SASH1: variants seen among roughly 807,000 people sequenced by gnomAD.
SASH1 encodes SAM and SH3 domain-containing protein 1.
A neutral mutation model predicts 125.2 loss-of-function variants in SASH1; 44 were observed. The ratio of observed to expected loss-of-function variants is 0.35; its 90% CI spans 0.28 to 0.45. The LOEUF (loss-of-function observed/expected upper bound fraction) is 0.45. SASH1 is among the 20% of genes least tolerant of loss of function. SASH1 has a pLI of 1.00. For synonymous variants in SASH1, 639 were observed against 649.1 expected (o/e 0.98, Z 0.24); for missense variants, 1,426 against 1,614.5 (o/e 0.88, Z 2.00).
At chr6:148,382,167 G>C (rs1262308523) in intron 1 of SASH1, among the ~76,000 whole-genome samples, 4 of 152,138 alleles carry the variant, frequency 2.6e-5, no homozygotes, top group African/African-American at 9.7e-5. Flanking sequence ...GCCAGGCATT[G>C]TGGCAGCTTC....
intron 1 of SASH1, among the ~76,000 whole-genome samples, chr6:148,325,175 A>G (rs1780762395): frequency 6.6e-6 from 1 of 152,176 alleles, no homozygotes; most frequent in African/African-American, 2.4e-5. Context: ...AAAACTTACA[A>G]TCATTGCGGA....
chr6:148,541,781 C>T (rs1468446695), intron 17 of SASH1, among the ~76,000 whole-genome samples: 1 of 152,100 alleles, frequency 6.6e-6, no homozygotes. Context: ...ACTCTAATTC[C>T]AATTCTAAGA....
intron 1 of SASH1, among the ~76,000 whole-genome samples, chr6:148,319,314 C>T (rs920576047): frequency 2.1e-4 from 32 of 151,964 alleles, no homozygotes; most frequent in African/African-American, 7.2e-4. Flanking sequence ...GGATTACAGG[C>T]GTGAGCCACC....
chr6:148,265,139 A>G, the SASH1 span, among the ~76,000 whole-genome samples: 2 of 152,300 alleles, frequency 1.3e-5, no homozygotes, highest in Admixed American at 6.5e-5. Context: ...ACACAAAATG[A>G]CAGTCTTAGA....
At chr6:148,518,164 A>G (rs1286076527) in intron 9 of SASH1, among the ~76,000 whole-genome samples, 1 of 152,142 alleles carries the variant, frequency 6.6e-6, no homozygotes, top group East Asian at 1.9e-4. Flanking sequence ...GGAAACTTCC[A>G]GGATATTGGT....
chr6:148,374,467 G>A (rs1782812660), intron 1 of SASH1, among the ~76,000 whole-genome samples: 2 of 152,190 alleles, frequency 1.3e-5, no homozygotes, highest in Non-Finnish European at 2.9e-5. Context: ...CACCTTGTAA[G>A]CAAACTGAGA....
intron 1 of SASH1, among the ~76,000 whole-genome samples, chr6:148,326,342 ATATATATATATATATG>A (rs1172141890): frequency 9.2e-5 from 8 of 87,422 alleles, no homozygotes; most frequent in Admixed American, 5.7e-4. Flanking sequence ...ATATATATAT[ATATATATATATATATG>A]CATATATATA....
intron 7 of SASH1, among the ~76,000 whole-genome samples, chr6:148,484,593 A>G (rs11963259): frequency 0.12 from 18,256 of 150,982 alleles, 1,390 homozygotes; most frequent in African/African-American, 0.2. Context: ...AAAAAAAAAT[A>G]GAGAGCTTGT....
rs550539112 is a variant in SASH1, at chr6:148,536,406, C to A, written c.2095+1505C>A. ...CCAAGCTGGAGTGCAGTGGTGCGAT[C>A]TTGGTTCACCGCAACCTCCGCCTCC... On this transcript the variant is annotated intron_variant, in intron 16 of 19. Transcript: ENST00000367467. Among the ~76,000 whole-genome samples, 3 of 152,320 alleles carry A rather than the reference C, an allele frequency of 2.0e-5. No homozygotes were observed. The South Asian group carries it at 6.2e-4, about 32-fold the overall frequency.
In SASH1 at chr6:148,533,737, C is replaced by A. The variant is rs1226392928; in HGVS notation, c.1735-34C>A. Reference sequence around the variant, plus strand: ...TTGATTTGTACGTTCATGGAATGTACCTAATGGAAAGATCTTTGCTCCCTG... The same window carrying A: ...TTGATTTGTACGTTCATGGAATGTAACTAATGGAAAGATCTTTGCTCCCTG... On this transcript the variant is annotated intron_variant, in intron 14 of 19. Transcript: ENST00000367467. This position sits in a 1 kb window ranked among gnomAD's most constrained non-coding sequence, Gnocchi z 6.2. 3 of 1,567,806 alleles carry A rather than the reference C, an allele frequency of 1.9e-6. No homozygotes were observed. The highest frequency in any genetic ancestry group is 3.4e-5 in the Admixed American group (2 of 59,500).
intron 1 of SASH1, among the ~76,000 whole-genome samples, chr6:148,354,108 T>G (rs945198359): frequency 1.3e-5 from 2 of 152,064 alleles, no homozygotes; most frequent in Non-Finnish European, 2.9e-5. Context: ...AAGGCTTCAG[T>G]GAGTTGTGAT....
intron 4 of SASH1, among the ~76,000 whole-genome samples, chr6:148,449,586 C>T (rs1456061908): frequency 2.0e-5 from 3 of 152,036 alleles, no homozygotes; most frequent in Non-Finnish European, 4.4e-5. Flanking sequence ...AGGGTTTCTC[C>T]ATGTTGGTCA....
intron 4 of SASH1, 150 bp from the exon 5 acceptor site, chr6:148,468,395 T>C (rs2115110994): frequency 1.6e-6 from 1 of 611,290 alleles, no homozygotes; most frequent in Admixed American, 2.8e-5. Context: ...AGTCAGCAGA[T>C]GGGTAGAAAA....
At chr6:148,477,812 C>T (rs1231855041) in intron 7 of SASH1, among the ~76,000 whole-genome samples, 2 of 151,738 alleles carry the variant, frequency 1.3e-5, no homozygotes, top group African/African-American at 2.4e-5. Context: ...ATTCTCCTGC[C>T]TCAGCCTCCC....
upstream of SASH1, among the ~76,000 whole-genome samples, chr6:148,342,315 A>C (rs1392702499): frequency 6.6e-6 from 1 of 152,192 alleles, no homozygotes; most frequent in Non-Finnish European, 1.5e-5. Flanking sequence ...GGGGCGAGGT[A>C]TGCATTGTAG....
chr6:148,431,827 G>A (rs901656030), intron 2 of SASH1, among the ~76,000 whole-genome samples: 6 of 152,096 alleles, frequency 3.9e-5, no homozygotes, highest in East Asian at 3.9e-4. Flanking sequence ...AAATAAAGAC[G>A]TGATGGTATT....
At chr6:148,235,893 A>T in the SASH1 span, among the ~76,000 whole-genome samples, 1 of 152,174 alleles carries the variant, frequency 6.6e-6, no homozygotes, top group Non-Finnish European at 1.5e-5. Flanking sequence ...CGTGTCTCTC[A>T]CTATTAAGGA....
At chr6:148,351,498 C>G (rs769623421) in intron 1 of SASH1, among the ~76,000 whole-genome samples, 4 of 151,976 alleles carry the variant, frequency 2.6e-5, no homozygotes, top group Non-Finnish European at 5.9e-5. Flanking sequence ...ACCCATCACT[C>G]TGCCTGGTTG....
chr6:148,458,980 G>GGA (rs869150392), intron 4 of SASH1, among the ~76,000 whole-genome samples: 1 of 63,092 alleles, frequency 1.6e-5, no homozygotes, highest in Non-Finnish European at 3.0e-5. Flanking sequence ...AAAAAAAAAA[G>GGA]TATACACACA....
Sources: gnomAD v4.1 joint callset for allele counts (sites outside exome capture counted in the v4.1 genomes callset) on GRCh38, gnomAD v4.1.1 for gene constraint, Gnocchi (gnomAD v3.1) non-coding constraint, MANE v1.5 for transcripts, NCBI Gene and HGNC (gene_info 2026-07-23, HGNC 2026-07-21) for gene names.